Variants in NFIB observed in about 807,000 individuals in gnomAD.
NFIB encodes the protein nuclear factor I B, also known as nuclear factor 1 B-type.
Under a neutral mutation model 61.5 loss-of-function variants are expected in NFIB, and 11 were observed. The observed-to-expected ratio is 0.18, with a 90% CI of 0.11 to 0.30. The LOEUF is 0.30. NFIB is among the 10% of genes least tolerant of loss of function. The probability of loss-of-function intolerance (pLI) is 1.00; values close to 1 mark genes in which losing one functional copy is unlikely to be tolerated. For missense variants in NFIB, 471 were observed against 608.9 expected (o/e 0.77, Z 2.38); for synonymous variants, 260 against 216.5 (o/e 1.20, Z -1.76).
intron 10 of NFIB, among the ~76,000 whole-genome samples, chr9:14,109,212 TA>T (rs1420836844): frequency 6.6e-6 from 1 of 152,078 alleles, no homozygotes; most frequent in Non-Finnish European, 1.5e-5. Context: ...AATTATAAAA[TA>T]ATTTCTATAT....
chr9:14,358,050 A>G (rs185714632), intron 1 of NFIB: 2 of 152,284 alleles, frequency 1.3e-5, no homozygotes, highest in Admixed American at 1.3e-4. Flanking sequence ...GGTTGATTAA[A>G]TGTTGTAAAA....
At chr9:14,497,193 A>G in the NFIB span, among the ~76,000 whole-genome samples, 3 of 152,194 alleles carry the variant, frequency 2.0e-5, no homozygotes, top group Non-Finnish European at 2.9e-5. Context: ...GAAGGCATCA[A>G]TGTTGTCAGA....
the NFIB span, among the ~76,000 whole-genome samples, chr9:14,478,680 G>A: frequency 6.6e-6 from 1 of 152,202 alleles, no homozygotes; most frequent in East Asian, 1.9e-4. Flanking sequence ...TAATGGCTGA[G>A]TATTACTCCA....
At chr9:14,181,944 A>C (rs1211526047) in intron 2 of NFIB, among the ~76,000 whole-genome samples, 2 of 152,190 alleles carry the variant, frequency 1.3e-5, no homozygotes, top group African/African-American at 4.8e-5. Flanking sequence ...AGTTACAGCA[A>C]CTTCAAAATG....
the NFIB span, among the ~76,000 whole-genome samples, chr9:14,444,547 A>G: frequency 6.6e-6 from 1 of 152,148 alleles, no homozygotes. Flanking sequence ...TGTTACTTAT[A>G]CTCATGCCAG....
intron 2 of NFIB, among the ~76,000 whole-genome samples, chr9:14,275,449 C>A (rs566798272): frequency 2.0e-5 from 3 of 152,222 alleles, no homozygotes; most frequent in Admixed American, 2.0e-4. Flanking sequence ...TTGAGGCAAA[C>A]AGGGAAGAAA....
intron 2 of NFIB, among the ~76,000 whole-genome samples, chr9:14,188,515 G>A (rs779558468): frequency 2.6e-5 from 4 of 152,150 alleles, no homozygotes; most frequent in Admixed American, 6.5e-5. Flanking sequence ...ATTTCTTTTC[G>A]AATTTTATGA....
At chr9:14,223,201 G>C (rs200629174) in intron 2 of NFIB, among the ~76,000 whole-genome samples, 3 of 152,338 alleles carry the variant, frequency 2.0e-5, no homozygotes, top group Admixed American at 6.5e-5. Flanking sequence ...TAAAAGCTCA[G>C]GGAGGGTAGT....
chr9:14,103,817 T>A (rs146429641), intron 10 of NFIB, among the ~76,000 whole-genome samples: 11 of 152,178 alleles, frequency 7.2e-5, no homozygotes, highest in African/African-American at 2.7e-4. Context: ...ATTCCCTGCA[T>A]ATACATAGAT....
chr9:14,420,445 C>CAAAAAAAAAAAAAAAAA, the NFIB span, among the ~76,000 whole-genome samples: 222 of 42,404 alleles, frequency 5.2e-3, 30 homozygotes, highest in Non-Finnish European at 7.4e-3. Context: ...GACTCCGTCT[C>CAAAAAAAAAAAAAAAAA]AAAAAAAAAA....
intron 1 of NFIB, among the ~76,000 whole-genome samples, chr9:14,309,711 C>G (rs1303600968): frequency 1.3e-5 from 2 of 152,182 alleles, no homozygotes; most frequent in Non-Finnish European, 2.9e-5. Flanking sequence ...ACTACAAAAA[C>G]TTTGTTTATC....
the NFIB span, among the ~76,000 whole-genome samples, chr9:14,412,542 A>C: frequency 6.6e-6 from 1 of 152,226 alleles, no homozygotes; most frequent in Non-Finnish European, 1.5e-5. Flanking sequence ...TGGCCTCCCT[A>C]CAACCCTCGC....
the NFIB span, among the ~76,000 whole-genome samples, chr9:14,459,218 C>A: frequency 2.0e-5 from 3 of 152,138 alleles, no homozygotes; most frequent in African/African-American, 7.2e-5. Context: ...TGCTGCATAT[C>A]TACAACTATC....
the NFIB span, among the ~76,000 whole-genome samples, chr9:14,414,130 G>A: frequency 6.6e-6 from 1 of 152,044 alleles, no homozygotes; most frequent in South Asian, 2.1e-4. Context: ...ATAATCTCTA[G>A]ACATAATTCT....
chr9:14,170,920 C>A (rs865835781), intron 3 of NFIB, among the ~76,000 whole-genome samples: 1 of 152,146 alleles, frequency 6.6e-6, no homozygotes, highest in Admixed American at 6.5e-5. Flanking sequence ...TAAGTGCCTA[C>A]ATCAATATAT....
the NFIB span, among the ~76,000 whole-genome samples, chr9:14,475,412 G>C: frequency 6.6e-6 from 1 of 152,214 alleles, no homozygotes; most frequent in Non-Finnish European, 1.5e-5. Context: ...GCCTTAGTAA[G>C]TGAGGAGAGC....
intron 3 of NFIB, among the ~76,000 whole-genome samples, chr9:14,175,159 A>C (rs1266769050): frequency 7.8e-6 from 1 of 128,638 alleles, no homozygotes; most frequent in East Asian, 2.1e-4. Context: ...TTATGACTTA[A>C]AGAATTTCTT....
chr9:14,382,216 G>C (rs766299716), intron 1 of NFIB, among the ~76,000 whole-genome samples: 1 of 152,140 alleles, frequency 6.6e-6, no homozygotes, highest in Non-Finnish European at 1.5e-5. Context: ...CCTCTGGAAG[G>C]CAATTCTTTT....
chr9:14,134,748 TTA>T (rs2040808852), intron 6 of NFIB, among the ~76,000 whole-genome samples: 2 of 151,684 alleles, frequency 1.3e-5, no homozygotes, highest in Non-Finnish European at 2.9e-5. Context: ...ACTACAAAAA[TTA>T]GCTGGCCATG....
Sources: gnomAD v4.1 joint callset for allele counts (sites outside exome capture counted in the v4.1 genomes callset) on GRCh38, gnomAD v4.1.1 for gene constraint, MANE v1.5 for transcripts, NCBI Gene and HGNC (gene_info 2026-07-23, HGNC 2026-07-21) for gene names.